The following ELK4 variants were observed in gnomAD, a reference collection of about 807,000 sequenced individuals.
ELK4 encodes ETS transcription factor ELK4, also known as ETS domain-containing protein Elk-4.
ELK4 carries 16 observed loss-of-function variants against 29.6 expected under a neutral mutation model. That is an observed-to-expected ratio of 0.54 (90% CI 0.37 to 0.82). ELK4 has a LOEUF of 0.82. Ranked by LOEUF, ELK4 falls within the 40% of genes least tolerant of loss-of-function variation. The pLI is 0.00. For synonymous variants in ELK4, 213 were observed against 191.1 expected, an observed-to-expected ratio of 1.11 and a Z score of -0.95; for missense variants, 465 against 507.1, an observed-to-expected ratio of 0.92 and a Z score of 0.80.
At position 205,616,318 on chromosome 1, in the gene ELK4, GAC is replaced by G. The variant is rs887216336; in HGVS notation, c.*226_*227del. ...GAAGGAAAGAAAAAGAAAAGGAAAA[GAC>G]AGAGGGAGGTGGAGTTTAGACTCCA... On this transcript the variant is annotated 3_prime_UTR_variant, in exon 5 of 5. Coordinates refer to ENST00000357992, the MANE Select transcript of ELK4 (RefSeq NM_001973.4). The G allele has an allele frequency of 1.7e-5, 7 of 413,890 alleles. No individual in the cohort carries two copies. Among genetic ancestry groups the G allele is most frequent in the Non-Finnish European group, 3.1e-5 (7 of 227,598 alleles). The allele number at this position is 413,890 out of a possible 1,614,324, so 25.6% of individuals were successfully genotyped here.
At position 205,619,017 on chromosome 1, in the gene ELK4, A is replaced by T; in HGVS notation, c.1137T>A (p.Thr379=). 1.2e-6 allele frequency: 2 copies of T among 1,611,674 alleles called. No individual in the cohort carries two copies. Among genetic ancestry groups the T allele is most frequent in the Non-Finnish European group, 1.7e-6 (2 of 1,179,088 alleles). ...GACTTAGGGGAGCAACAGGACTGAG[A>T]GTACTCCAGAAGTGGATACTGGAGA... The part of the protein sequence containing the change: ...PLLSSIHFWS[T]LSPVAPLSPA... The change falls in exon 4 of 5, where the codon ACT becomes ACA. Residue 379 remains threonine, a synonymous_variant. Coordinates refer to ENST00000357992, the MANE Select transcript of ELK4 (RefSeq NM_001973.4).
Position 205,608,713 on chromosome 1 carries a change from G to GTAAGTA in ELK4, c.*7827_*7832dup, listed in dbSNP as rs1670109759. ...GGGTAGGTGTGCACTTACATTATAT[G>GTAAGTA]TAAGTATCTCTACAAAGTGTTAGAT... On this transcript the variant is annotated 3_prime_UTR_variant, in exon 5 of 5. Transcript: ENST00000357992. 6 of 192,504 alleles carry GTAAGTA rather than the reference G, an allele frequency of 3.1e-5. No homozygotes were observed. The South Asian group carries it at 1.2e-3, about 37-fold the overall frequency. 11.9% of individuals were successfully genotyped at this position (192,504 alleles called of 1,614,324 possible). A position where few individuals can be genotyped will look rare whatever the true frequency, so the allele number is the denominator to read the frequency against.
Position 205,620,034 on chromosome 1 carries a change from G to C in ELK4, c.1012C>G (p.Pro338Ala). ...GGGCTCAGTATTCCCAGTGGGCTTGGATCACTGCTCGTGATCACAAGGGTG... is the reference window on the plus strand; with the variant it reads ...GGGCTCAGTATTCCCAGTGGGCTTGCATCACTGCTCGTGATCACAAGGGTG... ...APTLVITSSD[P>A]SPLGILSPSL... Residue 338 changes from proline to alanine, a missense_variant, in exon 3 of 5, where the codon CCA becomes GCA. By Grantham distance (27) the Pro-to-Ala change is conservative. Around this residue, in one of 2 missense-constraint regions of ELK4, gnomAD observed 80 missense variants for 119.6 expected, o/e 0.67. Transcript: ENST00000357992. 6.2e-7 allele frequency: 1 copy of C among 1,614,222 alleles called. No homozygotes were observed. Among genetic ancestry groups the C allele is most frequent in the East Asian group, 2.2e-5 (1 of 44,882 alleles).
chr1:205,624,243 T>C (rs763696649), intron 1 of ELK4, among the ~76,000 whole-genome samples: 15 of 152,184 alleles, frequency 9.9e-5, no homozygotes, highest in East Asian at 1.9e-4. Context: ...AAAACAATGA[T>C]TGTCAATCAC....
intron 1 of ELK4, among the ~76,000 whole-genome samples, chr1:205,631,186 G>C (rs1670576919): frequency 6.6e-6 from 1 of 152,220 alleles, no homozygotes; most frequent in South Asian, 2.1e-4. Context: ...GACACCGGAT[G>C]ACTAGCGAGC....
In ELK4 at chr1:205,615,103, T is replaced by TA. The variant is rs36044648; in HGVS notation, c.*1442dup. ...CAAATGAACTCTGCTCTTCCCCATT[T>TA]AAAAAAAAAAAGTTGAAAGAAATAA... On this transcript the variant is annotated 3_prime_UTR_variant, in exon 5 of 5. Coordinates refer to ENST00000357992, the MANE Select transcript of ELK4 (RefSeq NM_001973.4). 0.16 allele frequency: 27,721 copies of TA among 171,300 alleles called. 2,076 individuals carry two copies. The highest frequency in any genetic ancestry group is 0.33 in the East Asian group (3,296 of 9,852). 10.6% of individuals were successfully genotyped at this position (171,300 alleles called of 1,614,324 possible). A position where few individuals can be genotyped will look rare whatever the true frequency, so the allele number is the denominator to read the frequency against.
chr1:205,620,334 C>T lies in ELK4; in HGVS notation c.712G>A (p.Ala238Thr). Residue 238 changes from alanine to threonine, a missense_variant, in exon 3 of 5, where the codon GCC (alanine) becomes ACC (threonine). Coordinates refer to ENST00000357992, the MANE Select transcript of ELK4 (RefSeq NM_001973.4). ...LVSPKLPSLEAPTSASNVMTA... is the reference protein window; with the variant it reads ...LVSPKLPSLETPTSASNVMTA... ...ATTACGTTAGAGGCAGAGGTTGGGG[C>T]TTCCAGGGAAGGCAGTTTTGGGGAA... is the stretch of plus-strand genomic sequence containing the variant. The T allele has an allele frequency of 1.2e-6, 2 of 1,614,166 alleles. No homozygotes were observed. Among genetic ancestry groups the T allele is most frequent in the Non-Finnish European group, 8.5e-7 (1 of 1,180,028 alleles).
In ELK4 at chr1:205,620,320, G is replaced by C. The variant is rs1447875174; in HGVS notation, c.726C>G (p.Ala242=). The change falls in exon 3 of 5, where the codon GCC becomes GCG. Residue 242 remains alanine, a synonymous_variant. Transcript: ENST00000357992. ...TGGCAAAAGCAGTCATTACGTTAGAGGCAGAGGTTGGGGCTTCCAGGGAAG... is the reference window on the plus strand; with the variant it reads ...TGGCAAAAGCAGTCATTACGTTAGACGCAGAGGTTGGGGCTTCCAGGGAAG... ...KLPSLEAPTS[A]SNVMTAFATT... The C allele has an allele frequency of 6.2e-7, 1 of 1,614,220 alleles. No homozygotes were observed. Among genetic ancestry groups the C allele is most frequent in the Non-Finnish European group, 8.5e-7 (1 of 1,180,036 alleles).
intron 3 of ELK4, chr1:205,619,695 T>A (rs4951246): frequency 1.4e-6 from 2 of 1,426,260 alleles, no homozygotes; most frequent in African/African-American, 1.4e-5. Context: ...AGCGAGAGAG[T>A]GTGTGTACTT....
In ELK4 at chr1:205,623,853, G is replaced by C; in HGVS notation, c.30C>G (p.Phe10Leu). The C allele has an allele frequency of 6.2e-7, 1 of 1,614,168 alleles. No homozygotes were observed. Among genetic ancestry groups the C allele is most frequent in the Non-Finnish European group, 8.5e-7 (1 of 1,180,032 alleles). Residue 10 changes from phenylalanine (F) to leucine (L), a missense_variant, in exon 2 of 5, where the codon TTC (phenylalanine) becomes TTG (leucine). Physicochemically the swap from Phe to Leu is conservative, Grantham distance 22. This residue lies in a region of ELK4 where 385 missense variants were observed against 387.5 expected (regional missense o/e 0.99). Transcript: ENST00000357992. MDSAITLWQ[F>L]LLQLLQKPQN... ...GAGGCTTCTGCAGGAGCTGAAGAAGGAACTGCCACAGGGTGATAGCACTGT... is the reference window on the plus strand; with the variant it reads ...GAGGCTTCTGCAGGAGCTGAAGAAGCAACTGCCACAGGGTGATAGCACTGT...
intron 1 of ELK4, among the ~76,000 whole-genome samples, chr1:205,624,854 C>T (rs558157974): frequency 2.1e-4 from 32 of 152,224 alleles, no homozygotes; most frequent in African/African-American, 7.5e-4. Flanking sequence ...AAAGTCATCC[C>T]GGTAGATAAC....
rs1473534357 is a variant in ELK4, at chr1:205,620,556, T to G, written c.490A>C (p.Lys164Gln). The change falls in exon 3 of 5, where the codon AAA (lysine) becomes CAA (glutamine). Residue 164 changes from lysine (K) to glutamine (Q), a missense_variant. By Grantham distance (53) the Lys-to-Gln change is moderately conservative (BLOSUM62 1). This residue lies in a region of ELK4 where 385 missense variants were observed against 387.5 expected (regional missense o/e 0.99). Transcript: ENST00000357992. ...GCTGGATTCTCAGTCTTTATCAATT[T>G]GAAAAGCTTTACATTGGAGGAGTTC... ...SLNSSNVKLF[K>Q]LIKTENPAEK... 1 of 1,614,098 alleles carries G rather than the reference T, an allele frequency of 6.2e-7. No homozygotes were observed. The highest frequency in any genetic ancestry group is 8.5e-7 in the Non-Finnish European group (1 of 1,180,042).
At chr1:205,627,338 T>G (rs1670485728) in intron 1 of ELK4, among the ~76,000 whole-genome samples, 1 of 151,848 alleles carries the variant, frequency 6.6e-6, no homozygotes, top group South Asian at 2.1e-4. Flanking sequence ...TGAAACCCCG[T>G]CTCCACTAAA....
chr1:205,620,415 C>G lies in ELK4; in HGVS notation c.631G>C (p.Gly211Arg). 1 of 1,614,124 alleles carries G rather than the reference C, an allele frequency of 6.2e-7. No homozygotes were observed. Among genetic ancestry groups the G allele is most frequent in the Non-Finnish European group, 8.5e-7 (1 of 1,180,034 alleles). ...VEPVAATISI[G>R]PSISPSSEET... The stretch of plus-strand genomic sequence containing the variant: ...TCTGAAGATGGAGAAATACTTGGGC[C>G]AATTGAAATGGTGGCAGCAACAGGT... Residue 211 changes from glycine to arginine, a missense_variant, in exon 3 of 5, where the codon GGC becomes CGC. This residue lies in a region of ELK4 where 385 missense variants were observed against 387.5 expected (regional missense o/e 0.99). Transcript: ENST00000357992.
At chr1:205,626,748 T>A (rs1670473312) in intron 1 of ELK4, among the ~76,000 whole-genome samples, 1 of 152,160 alleles carries the variant, frequency 6.6e-6, no homozygotes, top group Non-Finnish European at 1.5e-5. Flanking sequence ...TGTAAAATGG[T>A]GTAGCCACTT....
intron 2 of ELK4, 146 bp downstream of exon 2, chr1:205,623,530 G>C: frequency 1.2e-6 from 1 of 827,480 alleles, no homozygotes; most frequent in Non-Finnish European, 2.0e-6. Flanking sequence ...GGTTAGGCTG[G>C]TCTTGAACTC....
Position 205,616,315 on chromosome 1 carries a change from A to G in ELK4, c.*231T>C, listed in dbSNP as rs1670231337. ...AAGGAAGGAAAGAAAAAGAAAAGGA[A>G]AAGACAGAGGGAGGTGGAGTTTAGA... On this transcript the variant is annotated 3_prime_UTR_variant, in exon 5 of 5. Transcript: ENST00000357992. The G allele has an allele frequency of 2.5e-6, 1 of 406,500 alleles. No homozygotes were observed. The highest frequency in any genetic ancestry group is 3.4e-5 in the East Asian group (1 of 29,270). The allele number at this position is 406,500 out of a possible 1,614,324, so 25.2% of individuals were successfully genotyped here. A position where few individuals can be genotyped will look rare whatever the true frequency, so the allele number is the denominator to read the frequency against.
At chr1:205,625,406 C>T (rs1670433350) in intron 1 of ELK4, 1 of 515,268 alleles carries the variant, frequency 1.9e-6, no homozygotes, top group Admixed American at 3.1e-5. Flanking sequence ...CTACTTGTCG[C>T]CACTATCACT....
rs1473133948 is a variant in ELK4 at position 205,610,791 on chromosome 1, ACAC to A, written c.*5752_*5754del. On this transcript the variant is annotated 3_prime_UTR_variant, in exon 5 of 5. Coordinates refer to ENST00000357992, the MANE Select transcript of ELK4 (RefSeq NM_001973.4). ...TTTACACGCGCACACACACACACAC[ACAC>A]ATTCAGTCAATACATCAGTATATAT... The A allele has an allele frequency of 1.3e-5, 3 of 232,396 alleles. No homozygotes were observed. The highest frequency in any genetic ancestry group is 2.6e-5 in the Non-Finnish European group (3 of 117,610). 14.4% of individuals were successfully genotyped at this position (232,396 alleles called of 1,614,324 possible).
Sources: allele counts gnomAD v4.1 joint callset (sites outside exome capture counted in the v4.1 genomes callset), GRCh38; gene constraint gnomAD v4.1.1; regional missense constraint gnomAD v4.1.1; transcripts MANE v1.5; gene names NCBI Gene and HGNC (gene_info 2026-07-23, HGNC 2026-07-21).